Variants in CA10 observed in about 807,000 individuals in gnomAD.
CA10 encodes carbonic anhydrase 10 (inactive), also known as carbonic anhydrase-related protein 10.
Under a neutral mutation model 44.2 loss-of-function variants are expected in CA10, and 14 were observed. The observed-to-expected ratio is 0.32, with a 90% CI of 0.21 to 0.50. The LOEUF (loss-of-function observed/expected upper bound fraction) is 0.50. Ranked by LOEUF, CA10 falls within the 20% of genes least tolerant of loss-of-function variation. The pLI is 0.99. For synonymous variants in CA10, 159 were observed against 141.6 expected (o/e 1.12, Z -0.87); for missense variants, 350 against 409.7 (o/e 0.85, Z 1.26).
At chr17:51,656,164 G>A (rs1913785329) in intron 4 of CA10, among the ~76,000 whole-genome samples, 1 of 152,228 alleles carries the variant, frequency 6.6e-6, no homozygotes, top group Non-Finnish European at 1.5e-5. Context: ...AAAACTGCCA[G>A]GGGATGTGCC....
At chr17:52,106,805 C>T (rs1329991703) in intron 1 of CA10, among the ~76,000 whole-genome samples, 2 of 152,118 alleles carry the variant, frequency 1.3e-5, no homozygotes, top group African/African-American at 2.4e-5. Context: ...AATTGAAAGC[C>T]CACGGCTCAG....
chr17:52,003,717 A>G (rs1352876231), intron 2 of CA10, among the ~76,000 whole-genome samples: 1 of 151,924 alleles, frequency 6.6e-6, no homozygotes, highest in Non-Finnish European at 1.5e-5. Flanking sequence ...AGTTCACACA[A>G]AAGGGAAATG....
intron 3 of CA10, among the ~76,000 whole-genome samples, chr17:51,847,963 C>T (rs1326784088): frequency 2.6e-5 from 4 of 152,140 alleles, no homozygotes; most frequent in African/African-American, 9.7e-5. Context: ...CACAAAGTAC[C>T]TTTCATATAA....
At chr17:51,686,401 C>G (rs970008725) in intron 4 of CA10, among the ~76,000 whole-genome samples, 1 of 152,140 alleles carries the variant, frequency 6.6e-6, no homozygotes. Flanking sequence ...CACTATCTCA[C>G]CAAAGTATCT....
At chr17:51,729,270 G>A (rs114660099) in intron 4 of CA10, among the ~76,000 whole-genome samples, 10 of 152,176 alleles carry the variant, frequency 6.6e-5, no homozygotes, top group Middle Eastern at 3.4e-3. Flanking sequence ...TCCTTTTTAC[G>A]CTCATGGTCA....
chr17:51,781,561 C>A (rs747723408), intron 3 of CA10, among the ~76,000 whole-genome samples: 27 of 152,164 alleles, frequency 1.8e-4, no homozygotes, highest in Non-Finnish European at 2.5e-4. Flanking sequence ...TGATGAAAAT[C>A]TACTTGTTCA....
chr17:52,047,524 T>C (rs1375338662), intron 2 of CA10, among the ~76,000 whole-genome samples: 1 of 151,948 alleles, frequency 6.6e-6, no homozygotes, highest in Non-Finnish European at 1.5e-5. Flanking sequence ...TCTCAACATC[T>C]CCCTTTTTCC....
chr17:52,093,998 C>T (rs771206336), intron 1 of CA10, among the ~76,000 whole-genome samples: 13 of 152,060 alleles, frequency 8.5e-5, no homozygotes, highest in Non-Finnish European at 1.5e-4. Context: ...TTTGCAGGGA[C>T]ATGGATGAAG....
intron 3 of CA10, among the ~76,000 whole-genome samples, chr17:51,792,767 T>C (rs1188341295): frequency 6.6e-6 from 1 of 152,210 alleles, no homozygotes; most frequent in Non-Finnish European, 1.5e-5. Context: ...ACGATCAATA[T>C]CTTGTTTAAC....
rs529743012 is a variant in CA10 at position 51,845,925 on chromosome 17, A to T, written c.279+85065T>A. Among the ~76,000 whole-genome samples the T allele has an allele frequency of 1.8e-4, 28 of 152,356 alleles. No homozygotes were observed. The South Asian group carries it at 5.2e-3, about 28-fold the overall frequency. On this transcript the variant is annotated intron_variant, in intron 3 of 8. Transcript: ENST00000451037. ...AGAAATGCTCATGGACATGAATGCT[A>T]ACATTGGCATTCTACCCAGTAAGCT... is the stretch of plus-strand genomic sequence containing the variant.
rs561987278 is a variant in CA10, at chr17:51,969,150, T to C, written c.137-38018A>G. 3.5e-4 allele frequency among the ~76,000 whole-genome samples: 54 copies of C among 152,116 alleles called. No homozygotes were observed. In the South Asian group the frequency reaches 4.8e-3, roughly 13 times the overall value. Reference sequence around the variant, plus strand: ...CTTCAAAACCTAAATAAGCATGCTTTTTGAGCTTCATCTCCTGCCTAGTTC... The same window carrying C: ...CTTCAAAACCTAAATAAGCATGCTTCTTGAGCTTCATCTCCTGCCTAGTTC... On this transcript the variant is annotated intron_variant, in intron 2 of 8. Transcript: ENST00000451037.
rs112049362 is a variant in CA10, at chr17:52,050,506, A to G, written c.136+21813T>C. 4.9e-3 allele frequency among the ~76,000 whole-genome samples: 739 copies of G among 152,246 alleles called. 2 individuals are homozygous for G. Among genetic ancestry groups the G allele is most frequent in the African/African-American group, 0.017 (695 of 41,564 alleles). On this transcript the variant is annotated intron_variant, in intron 2 of 8. Coordinates refer to ENST00000451037, the MANE Select transcript of CA10 (RefSeq NM_020178.5). ...ATCATGCATGCCACTACTCTGGTTA[A>G]CACTCTATAATCACTCACTACTGAA...
At chr17:51,808,831 G>T (rs1376063168) in intron 3 of CA10, among the ~76,000 whole-genome samples, 1 of 152,102 alleles carries the variant, frequency 6.6e-6, no homozygotes. Flanking sequence ...AGAGTATATT[G>T]TTATTTTCCT....
intron 5 of CA10, among the ~76,000 whole-genome samples, chr17:51,651,790 C>T (rs1032815543): frequency 3.3e-5 from 5 of 152,124 alleles, no homozygotes; most frequent in East Asian, 1.9e-4. Context: ...GGACCAAGGC[C>T]GAGACACTCT....
At chr17:52,056,610 G>T (rs540774697) in intron 2 of CA10, among the ~76,000 whole-genome samples, 27 of 152,082 alleles carry the variant, frequency 1.8e-4, no homozygotes, top group African/African-American at 6.3e-4. Flanking sequence ...TCCCTGTCAT[G>T]CTTTTGCAGT....
At chr17:52,018,630 G>A (rs901027890) in intron 2 of CA10, among the ~76,000 whole-genome samples, 8 of 152,106 alleles carry the variant, frequency 5.3e-5, no homozygotes, top group African/African-American at 1.9e-4. Context: ...CAATCTCGTA[G>A]GTAGAAGAAG....
intron 4 of CA10, among the ~76,000 whole-genome samples, chr17:51,704,531 T>G (rs1052996637): frequency 2.6e-5 from 4 of 152,244 alleles, no homozygotes; most frequent in Non-Finnish European, 4.4e-5. Flanking sequence ...GCTAAGATTC[T>G]CTGTCCAGGC....
chr17:51,656,668 G>C (rs1340892166), intron 4 of CA10, among the ~76,000 whole-genome samples: 1 of 152,224 alleles, frequency 6.6e-6, no homozygotes, highest in East Asian at 1.9e-4. Flanking sequence ...AGATGACAGT[G>C]TGCGCTCTAG....
intron 4 of CA10, among the ~76,000 whole-genome samples, chr17:51,731,332 GTAC>G (rs1314210908): frequency 6.6e-6 from 1 of 152,120 alleles, no homozygotes; most frequent in Admixed American, 6.5e-5. Flanking sequence ...AGCCGAGATT[GTAC>G]CACTGCACTC....
Sources: allele counts gnomAD v4.1 joint callset (sites outside exome capture counted in the v4.1 genomes callset), GRCh38; gene constraint gnomAD v4.1.1; transcripts MANE v1.5; gene names NCBI Gene and HGNC (gene_info 2026-07-23, HGNC 2026-07-21).